WDR26: variants seen among roughly 807,000 people sequenced by gnomAD.
The protein encoded by WDR26 is WD repeat-containing protein 26.
A neutral mutation model predicts 84.1 loss-of-function variants in WDR26; 5 were observed. The observed-to-expected ratio is 0.06, with a 90% CI of 0.03 to 0.13. The LOEUF (loss-of-function observed/expected upper bound fraction) is 0.13. Ranked by LOEUF, WDR26 falls within the 10% of genes least tolerant of loss-of-function variation. WDR26 has a pLI of 1.00. For missense variants in WDR26, 642 were observed against 974.9 expected (o/e 0.66, Z 4.55); for synonymous variants, 415 against 389.6 (o/e 1.07, Z -0.77).
rs754601441 is a variant in WDR26 at position 224,404,520 on chromosome 1, G to T, written c.1509C>A (p.Gly503=). The T allele has an allele frequency of 6.2e-7, 1 of 1,613,814 alleles. No individual in the cohort carries two copies. Among genetic ancestry groups the T allele is most frequent in the Non-Finnish European group, 8.5e-7 (1 of 1,179,926 alleles). The change falls in exon 8 of 14, where the codon GGC becomes GGA. Residue 503 remains glycine (G), a synonymous_variant. Coordinates refer to ENST00000414423, the MANE Select transcript of WDR26 (RefSeq NM_001379403.1). Reference sequence around the variant, plus strand: ...CTGGACTCCATGCAATATAAGAAACGCCATAAGCATGTCCTTCTAATGTTT... The same window carrying T: ...CTGGACTCCATGCAATATAAGAAACTCCATAAGCATGTCCTTCTAATGTTT...
chr1:224,426,279 G>A (rs1674208186), intron 3 of WDR26, among the ~76,000 whole-genome samples: 1 of 152,152 alleles, frequency 6.6e-6, no homozygotes, highest in South Asian at 2.1e-4. Flanking sequence ...TTCTATCAAG[G>A]AGTATTTAGA....
chr1:224,393,634 CA>C (rs1263851771), intron 13 of WDR26, among the ~76,000 whole-genome samples, 193 bp downstream of exon 13: 4 of 152,084 alleles, frequency 2.6e-5, no homozygotes, highest in Non-Finnish European at 5.9e-5. Context: ...CTGTGCCCCC[CA>C]AAACAACCAC....
Position 224,404,451 on chromosome 1 carries a change from C to T in WDR26, c.1578G>A (p.Glu526=). Reference sequence around the variant, plus strand: ...TCACTTGTACATTCCAAAGCCAAAGCTCAGAGCAGTCATCTGGGCCACAAG... The same window carrying T: ...TCACTTGTACATTCCAAAGCCAAAGTTCAGAGCAGTCATCTGGGCCACAAG... The change falls in exon 8 of 14, where the codon GAG becomes GAA. Residue 526 remains glutamate, a synonymous_variant. Transcript: ENST00000414423. The T allele has an allele frequency of 6.2e-7, 1 of 1,614,038 alleles. No homozygotes were observed. Among genetic ancestry groups the T allele is most frequent in the Non-Finnish European group, 8.5e-7 (1 of 1,179,952 alleles).
chr1:224,422,908 G>A (rs946516348), intron 4 of WDR26, among the ~76,000 whole-genome samples: 2 of 152,078 alleles, frequency 1.3e-5, no homozygotes, highest in African/African-American at 4.8e-5. Context: ...GCAATATGAG[G>A]CTTAAGTTCT....
At chr1:224,401,671 C>CACTA (rs1673417012) in intron 8 of WDR26, among the ~76,000 whole-genome samples, 1 of 49,642 alleles carries the variant, frequency 2.0e-5, no homozygotes, top group Non-Finnish European at 3.1e-5. Flanking sequence ...GAGACTGTCT[C>CACTA]AAAAAAAAAA....
intron 7 of WDR26, 88 bp downstream of exon 7, chr1:224,411,339 T>C (rs572113120): frequency 7.3e-7 from 1 of 1,372,996 alleles, no homozygotes; most frequent in Admixed American, 2.7e-5. Context: ...ATACTATTGA[T>C]ACATATATAC....
intron 8 of WDR26, among the ~76,000 whole-genome samples, chr1:224,402,608 A>G (rs1360551815): frequency 6.6e-6 from 1 of 152,250 alleles, no homozygotes. Flanking sequence ...GGTCAAAGGA[A>G]GACTACAAAG....
chr1:224,401,409 A>T (rs1438051957), intron 8 of WDR26, among the ~76,000 whole-genome samples: 2 of 152,158 alleles, frequency 1.3e-5, no homozygotes, highest in Non-Finnish European at 2.9e-5. Flanking sequence ...AAGACTACAT[A>T]CCTATTCCTT....
At chr1:224,424,001 AG>A (rs1320302607) in intron 4 of WDR26, among the ~76,000 whole-genome samples, 5 of 152,160 alleles carry the variant, frequency 3.3e-5, no homozygotes, top group African/African-American at 1.2e-4. Flanking sequence ...GGAAGATCAC[AG>A]GAGTTTGAGA....
At chr1:224,407,165 T>TATATATATATAC (rs1673601926) in intron 7 of WDR26, among the ~76,000 whole-genome samples, 2 of 92,966 alleles carry the variant, frequency 2.2e-5, no homozygotes, top group Non-Finnish European at 4.1e-5. Context: ...TATATATATA[T>TATATATATATAC]ATATATAACT....
Position 224,389,363 on chromosome 1 carries a change from T to C in WDR26, c.*472A>G. The stretch of plus-strand genomic sequence containing the variant: ...CTCAAGCTAAATAAGGCGGAAAGAT[T>C]TGGAGAAACAAAAGAAGGAAATTCT... On this transcript the variant is annotated 3_prime_UTR_variant, in exon 14 of 14. Coordinates refer to ENST00000414423, the MANE Select transcript of WDR26 (RefSeq NM_001379403.1). 3.7e-6 allele frequency: 1 copy of C among 271,114 alleles called. No homozygotes were observed. Among genetic ancestry groups the C allele is most frequent in the Non-Finnish European group, 6.8e-6 (1 of 146,692 alleles). The allele number at this position is 271,114 out of a possible 1,614,324, so 16.8% of individuals were successfully genotyped here. A position where few individuals can be genotyped will look rare whatever the true frequency, so the allele number is the denominator to read the frequency against.
chr1:224,411,648 T>C, intron 6 of WDR26, 83 bp from the exon 7 acceptor site: 1 of 1,407,814 alleles, frequency 7.1e-7, no homozygotes, highest in Admixed American at 2.6e-5. Context: ...CTGACAAAAC[T>C]TCTTTGAAGA....
intron 13 of WDR26, 120 bp from the exon 14 acceptor site, chr1:224,389,980 C>T (rs977101889): frequency 2.9e-6 from 2 of 690,982 alleles, no homozygotes; most frequent in Non-Finnish European, 4.7e-6. Context: ...CAAAATTATA[C>T]TAACATTAAA....
rs1674523767 is a variant in WDR26 at position 224,434,173 on chromosome 1, G to A, written c.233C>T (p.Ala78Val). ...GACAGCAGCGGCGGCGGGAGGGGCA[G>A]CAGCCGGGGGAAGTCCCACCACTAC... The change falls in exon 1 of 14, where the codon GCT becomes GTT. Residue 78 changes from alanine to valine, a missense_variant. Ala to Val is a moderately conservative substitution (Grantham distance 64). This residue lies in a region of WDR26 where 291 missense variants were observed against 302.1 expected (regional missense o/e 0.96). Transcript: ENST00000414423. The A allele has an allele frequency of 7.0e-7, 1 of 1,422,936 alleles. No homozygotes were observed. The highest frequency in any genetic ancestry group is 2.5e-4 in the Middle Eastern group (1 of 3,928). 88.1% of individuals were successfully genotyped at this position (1,422,936 alleles called of 1,614,324 possible).
chr1:224,431,751 T>G lies in WDR26; in HGVS notation c.753A>C (p.Ser251=). Reference sequence around the variant, plus strand: ...CAGAAGGATGTTCTAAACGACATCCTGACTCTTGCATGAGGAGATCAACAG... The same window carrying G: ...CAGAAGGATGTTCTAAACGACATCCGGACTCTTGCATGAGGAGATCAACAG... Residue 251 remains serine (S), a synonymous_variant, in exon 2 of 14, where the codon TCA becomes TCC. Coordinates refer to ENST00000414423, the MANE Select transcript of WDR26 (RefSeq NM_001379403.1). 1 of 1,613,778 alleles carries G rather than the reference T, an allele frequency of 6.2e-7. No homozygotes were observed. The highest frequency in any genetic ancestry group is 8.5e-7 in the Non-Finnish European group (1 of 1,179,756).
intron 3 of WDR26, among the ~76,000 whole-genome samples, chr1:224,426,056 C>T (rs939017315): frequency 6.6e-6 from 1 of 152,068 alleles, no homozygotes; most frequent in Admixed American, 6.6e-5. Flanking sequence ...CAGGGTTTTG[C>T]CATGTTGGCC....
intron 6 of WDR26, chr1:224,413,349 T>C: frequency 3.3e-6 from 4 of 1,210,530 alleles, no homozygotes; most frequent in Non-Finnish European, 4.3e-6. Context: ...AAACAAAATA[T>C]ACATTTAAAA....
At chr1:224,409,576 G>A (rs997459921) in intron 7 of WDR26, among the ~76,000 whole-genome samples, 1 of 152,038 alleles carries the variant, frequency 6.6e-6, no homozygotes, top group Non-Finnish European at 1.5e-5. Context: ...AAAAAGAACT[G>A]TTAGGCTGGG....
At chr1:224,403,894 G>A (rs1362395108) in intron 8 of WDR26, among the ~76,000 whole-genome samples, 6 of 152,056 alleles carry the variant, frequency 3.9e-5, no homozygotes, top group African/African-American at 1.2e-4. Flanking sequence ...CCGAGATTGC[G>A]CCACCGCACT....
Sources: allele counts gnomAD v4.1 joint callset (sites outside exome capture counted in the v4.1 genomes callset), GRCh38; gene constraint gnomAD v4.1.1; regional missense constraint gnomAD v4.1.1; transcripts MANE v1.5; gene names NCBI Gene and HGNC (gene_info 2026-07-23, HGNC 2026-07-21).